PIBF1: variants seen among roughly 807,000 people sequenced by gnomAD.
The protein encoded by PIBF1 is progesterone-induced-blocking factor 1.
PIBF1 carries 90 observed loss-of-function variants against 112.5 expected under a neutral mutation model. That is an observed-to-expected ratio of 0.80 (90% CI 0.67 to 0.95). The LOEUF (loss-of-function observed/expected upper bound fraction) is 0.95, where lower values mean the gene tolerates loss of function less well. Ranked by LOEUF, PIBF1 falls within the 40% of genes least tolerant of loss-of-function variation. PIBF1 has a pLI of 0.00. For synonymous variants in PIBF1, 301 were observed against 288.6 expected (o/e 1.04, Z -0.44); for missense variants, 915 against 852.3 (o/e 1.07, Z -0.92).
intron 13 of PIBF1, among the ~76,000 whole-genome samples, chr13:72,923,597 A>G (rs1324624738): frequency 6.6e-6 from 1 of 152,230 alleles, no homozygotes; most frequent in Admixed American, 6.5e-5. Flanking sequence ...TGAGAAATTC[A>G]GTACATTCTA....
At chr13:72,792,964 T>A (rs899978280) in intron 3 of PIBF1, among the ~76,000 whole-genome samples, 1 of 152,214 alleles carries the variant, frequency 6.6e-6, no homozygotes, top group Non-Finnish European at 1.5e-5. Context: ...ATTATACTTA[T>A]GTAACTTAAT....
chr13:72,839,874 C>G (rs2138231572), intron 9 of PIBF1, among the ~76,000 whole-genome samples: 1 of 152,284 alleles, frequency 6.6e-6, no homozygotes, highest in South Asian at 2.1e-4. Flanking sequence ...GTCCTTGTCT[C>G]CTTGTCTCCA....
intron 13 of PIBF1, among the ~76,000 whole-genome samples, chr13:72,926,518 A>G (rs1356629960): frequency 1.3e-5 from 2 of 152,212 alleles, no homozygotes; most frequent in Non-Finnish European, 2.9e-5. Context: ...TTCCTTCTGC[A>G]GGCCATCCTG....
At chr13:73,012,916 A>G (rs1362589839) in intron 17 of PIBF1, among the ~76,000 whole-genome samples, 1 of 152,090 alleles carries the variant, frequency 6.6e-6, no homozygotes, top group Non-Finnish European at 1.5e-5. Flanking sequence ...TATTTGAAAC[A>G]ATAATGACAG....
At chr13:72,809,405 A>G (rs1035198688) in intron 5 of PIBF1, among the ~76,000 whole-genome samples, 3 of 151,778 alleles carry the variant, frequency 2.0e-5, no homozygotes, top group African/African-American at 7.3e-5. Flanking sequence ...TAATTTCATA[A>G]TTATGCCTAC....
intron 14 of PIBF1, among the ~76,000 whole-genome samples, chr13:72,957,906 TGCGCCACTGCACTCCAGCCTGAG>T (rs2042492956): frequency 6.6e-6 from 1 of 151,970 alleles, no homozygotes; most frequent in African/African-American, 2.4e-5. Flanking sequence ...GAGCCGTGAT[TGCGCCACTGCACTCCAGCCTGAG>T]CAACAGAGTG....
chr13:72,809,970 A>G (rs2035932139), intron 5 of PIBF1, among the ~76,000 whole-genome samples: 1 of 152,132 alleles, frequency 6.6e-6, no homozygotes, highest in Admixed American at 6.5e-5. Flanking sequence ...TTCCTTTTGT[A>G]ATTTTTTCCA....
intron 16 of PIBF1, among the ~76,000 whole-genome samples, chr13:72,989,330 C>T (rs987191960): frequency 6.6e-6 from 1 of 152,074 alleles, no homozygotes; most frequent in Non-Finnish European, 1.5e-5. Context: ...TGGAAATAAC[C>T]CAGATGTCCT....
chr13:73,005,646 T>C (rs1464510998), intron 17 of PIBF1, among the ~76,000 whole-genome samples: 3 of 152,174 alleles, frequency 2.0e-5, no homozygotes, highest in South Asian at 4.1e-4. Flanking sequence ...TATAGTAATA[T>C]AATGAGTACA....
intron 16 of PIBF1, among the ~76,000 whole-genome samples, chr13:72,997,718 C>A (rs955964695): frequency 2.6e-5 from 4 of 152,138 alleles, no homozygotes; most frequent in Admixed American, 2.0e-4. Context: ...CCATAACTTT[C>A]GTGTTTTGGC....
At chr13:72,990,065 T>G (rs1457008785) in intron 16 of PIBF1, among the ~76,000 whole-genome samples, 2 of 149,734 alleles carry the variant, frequency 1.3e-5, no homozygotes, top group Admixed American at 6.6e-5. Flanking sequence ...AATATAAAAA[T>G]TAGCTGGGCG....
At chr13:72,807,054 A>G (rs1269198896) in intron 5 of PIBF1, among the ~76,000 whole-genome samples, 2 of 151,210 alleles carry the variant, frequency 1.3e-5, no homozygotes, top group Non-Finnish European at 2.9e-5. Flanking sequence ...TGCTTTATCC[A>G]TTCATCTATA....
intron 17 of PIBF1, among the ~76,000 whole-genome samples, chr13:73,013,226 G>A (rs1366716543): frequency 8.0e-5 from 12 of 150,026 alleles, no homozygotes; most frequent in South Asian, 4.2e-4. Flanking sequence ...GCGTGAACCC[G>A]GGAGGCGGAG....
At chr13:72,971,036 ATACTT>A (rs1233650757) in intron 15 of PIBF1, among the ~76,000 whole-genome samples, 1 of 152,208 alleles carries the variant, frequency 6.6e-6, no homozygotes, top group Non-Finnish European at 1.5e-5. Context: ...TAATTATAGA[ATACTT>A]TATTTTTGAA....
intron 10 of PIBF1, among the ~76,000 whole-genome samples, chr13:72,890,617 A>G (rs942302503): frequency 2.0e-5 from 3 of 152,130 alleles, no homozygotes; most frequent in Non-Finnish European, 4.4e-5. Flanking sequence ...TTACCTCTTA[A>G]GGTTACTATG....
intron 9 of PIBF1, among the ~76,000 whole-genome samples, chr13:72,838,026 C>A (rs903139160): frequency 6.6e-6 from 1 of 152,182 alleles, no homozygotes; most frequent in African/African-American, 2.4e-5. Context: ...CTTGTGATTA[C>A]TTGCTCTGAA....
At chr13:72,948,454 G>C (rs945358863) in intron 14 of PIBF1, among the ~76,000 whole-genome samples, 1 of 152,106 alleles carries the variant, frequency 6.6e-6, no homozygotes, top group African/African-American at 2.4e-5. Flanking sequence ...CAAAGCTCTA[G>C]GAAGTTCAAC....
intron 16 of PIBF1, among the ~76,000 whole-genome samples, chr13:72,975,600 G>A (rs1168458050): frequency 6.6e-6 from 1 of 152,128 alleles, no homozygotes; most frequent in African/African-American, 2.4e-5. Flanking sequence ...TCTATGTGAT[G>A]GGTGAAAAGG....
At chr13:72,791,438 C>T (rs142555907) in intron 2 of PIBF1, among the ~76,000 whole-genome samples, 87 of 152,228 alleles carry the variant, frequency 5.7e-4, no homozygotes, top group African/African-American at 2.0e-3. Flanking sequence ...AGACTAAGAG[C>T]AAAATCCAAG....
Sources: gnomAD v4.1 joint callset for allele counts (sites outside exome capture counted in the v4.1 genomes callset) on GRCh38, gnomAD v4.1.1 for gene constraint, MANE v1.5 for transcripts, NCBI Gene and HGNC (gene_info 2026-07-23, HGNC 2026-07-21) for gene names.